Variants in RALYL observed in about 807,000 individuals in gnomAD.
RALYL encodes the protein RALY RNA binding protein like.
RALYL carries 29 observed loss-of-function variants against 35.1 expected under a neutral mutation model. That is an observed-to-expected ratio of 0.83 (90% CI 0.61 to 1.13). The LOEUF is 1.13. Among genes scored for constraint, RALYL ranks in the 50% most tolerant of loss-of-function variants. The pLI is 0.00. For missense variants in RALYL, 359 were observed against 360.4 expected (o/e 1.00, Z 0.03); for synonymous variants, 120 against 127.6 (o/e 0.94, Z 0.40).
At chr8:84,469,860 C>G (rs547116506) in intron 1 of RALYL, among the ~76,000 whole-genome samples, 3 of 152,242 alleles carry the variant, frequency 2.0e-5, no homozygotes, top group South Asian at 2.1e-4. Context: ...TTTTTAAGCC[C>G]GTCGGAAAAG....
chr8:84,602,492 C>T (rs1188449463), intron 2 of RALYL, among the ~76,000 whole-genome samples: 2 of 152,078 alleles, frequency 1.3e-5, no homozygotes. Flanking sequence ...TCTCTCATTC[C>T]AGTCAATTCC....
chr8:84,632,067 G>A (rs781198075), intron 2 of RALYL, among the ~76,000 whole-genome samples: 1 of 151,750 alleles, frequency 6.6e-6, no homozygotes, highest in East Asian at 1.9e-4. Flanking sequence ...ATTAGGTTAT[G>A]AGGCTGGAGG....
At chr8:84,224,270 C>T (rs1359568505) in intron 1 of RALYL, among the ~76,000 whole-genome samples, 32 of 152,162 alleles carry the variant, frequency 2.1e-4, no homozygotes, top group Non-Finnish European at 2.1e-4. Flanking sequence ...CCATTTTCCA[C>T]TTTTGGCTCT....
chr8:84,301,040 A>T (rs892202393), intron 1 of RALYL, among the ~76,000 whole-genome samples: 1 of 151,712 alleles, frequency 6.6e-6, no homozygotes, highest in African/African-American at 2.4e-5. Context: ...TCTATATTTA[A>T]CCCCTGTGTA....
At chr8:84,796,055 C>T (rs1210967330) in intron 3 of RALYL, among the ~76,000 whole-genome samples, 1 of 152,146 alleles carries the variant, frequency 6.6e-6, no homozygotes, top group Admixed American at 6.5e-5. Context: ...GCACGAGAGT[C>T]CACTGTGAGT....
chr8:84,551,064 GT>G (rs1364710821), intron 2 of RALYL, among the ~76,000 whole-genome samples: 5 of 151,670 alleles, frequency 3.3e-5, no homozygotes, highest in East Asian at 1.9e-4. Context: ...AATATGGCAG[GT>G]TTTTTTCTAT....
At chr8:84,865,875 T>C (rs545069372) in intron 6 of RALYL, among the ~76,000 whole-genome samples, 24 of 152,298 alleles carry the variant, frequency 1.6e-4, no homozygotes, top group African/African-American at 5.8e-4. Context: ...CCCTGAAGCA[T>C]CTAACAGGAA....
chr8:84,579,717 C>G (rs1053167948), intron 2 of RALYL, among the ~76,000 whole-genome samples: 11 of 152,186 alleles, frequency 7.2e-5, no homozygotes, highest in African/African-American at 2.4e-4. Flanking sequence ...TCTATCTTCT[C>G]ACTTTTTGGA....
chr8:84,362,202 A>G (rs1853185436), intron 1 of RALYL, among the ~76,000 whole-genome samples: 1 of 152,196 alleles, frequency 6.6e-6, no homozygotes, highest in Non-Finnish European at 1.5e-5. Context: ...CACAATCAGG[A>G]GTAGTTCATT....
chr8:84,550,428 A>C (rs1355710915), intron 2 of RALYL, among the ~76,000 whole-genome samples: 1 of 152,118 alleles, frequency 6.6e-6, no homozygotes, highest in African/African-American at 2.4e-5. Context: ...ACACATGAGC[A>C]AACTTATTTT....
chr8:84,661,706 T>G (rs1176971648), intron 2 of RALYL, among the ~76,000 whole-genome samples: 2 of 151,940 alleles, frequency 1.3e-5, no homozygotes, highest in Admixed American at 1.3e-4. Context: ...TGTGTATACA[T>G]GTGCCATGCT....
At chr8:84,288,161 T>G (rs764426741) in intron 1 of RALYL, among the ~76,000 whole-genome samples, 11 of 136,824 alleles carry the variant, frequency 8.0e-5, no homozygotes, top group African/African-American at 1.4e-4. Context: ...GGTTCTCCTG[T>G]TTTTTTTTGT....
intron 2 of RALYL, among the ~76,000 whole-genome samples, chr8:84,676,001 G>A (rs755139283): frequency 3.3e-5 from 5 of 152,100 alleles, no homozygotes; most frequent in African/African-American, 9.7e-5. Context: ...GTGTAATGTG[G>A]CAATCATTTC....
chr8:84,648,122 A>G (rs1827888903), intron 2 of RALYL, among the ~76,000 whole-genome samples: 1 of 152,060 alleles, frequency 6.6e-6, no homozygotes, highest in Non-Finnish European at 1.5e-5. Context: ...ATGCGTGCAC[A>G]CACACACACA....
intron 2 of RALYL, among the ~76,000 whole-genome samples, chr8:84,742,463 A>C (rs559809300): frequency 6.6e-6 from 1 of 152,094 alleles, no homozygotes; most frequent in African/African-American, 2.4e-5. Context: ...AATTGTTTTA[A>C]AAAAAAATTA....
At position 84,620,108 on chromosome 8, in the gene RALYL, T is replaced by C. The variant is rs1206852130; in HGVS notation, c.256+90531T>C. On this transcript the variant is annotated intron_variant, in intron 2 of 8. Transcript: ENST00000521268. ...CTTCTCGAGGAGTATCTTTGTGGCA[T>C]TCTCTGTATTTCCTGAATCTGAATG... is the stretch of plus-strand genomic sequence containing the variant. Among the ~76,000 whole-genome samples, 5 of 152,148 alleles carry C rather than the reference T, an allele frequency of 3.3e-5. No homozygotes were observed. In the East Asian group the frequency reaches 9.7e-4, roughly 29 times the overall value.
chr8:84,619,022 T>C lies in RALYL; in HGVS notation c.256+89445T>C, dbSNP rs1435110540. On this transcript the variant is annotated intron_variant, in intron 2 of 8. Coordinates refer to ENST00000521268, the MANE Select transcript of RALYL (RefSeq NM_173848.7). ...GAGAGCTTTACTTCCAAGTATGTGG[T>C]CAATTTTGGAATAGGTGTGGTGTGG... Among the ~76,000 whole-genome samples, 9 of 148,806 alleles carry C rather than the reference T, an allele frequency of 6.0e-5. No homozygotes were observed. The East Asian group carries it at 1.8e-3, about 30-fold the overall frequency.
chr8:84,783,653 C>T (rs1818716477), intron 3 of RALYL, among the ~76,000 whole-genome samples: 1 of 152,156 alleles, frequency 6.6e-6, no homozygotes, highest in African/African-American at 2.4e-5. Context: ...TCTGCCTCCC[C>T]AGGTCCTTGA....
At chr8:84,408,726 A>G (rs2043804812) in intron 1 of RALYL, among the ~76,000 whole-genome samples, 1 of 152,156 alleles carries the variant, frequency 6.6e-6, no homozygotes, top group African/African-American at 2.4e-5. Flanking sequence ...GTCATCAGTC[A>G]AGAAATCTAA....
Sources: gnomAD v4.1 joint callset for allele counts (sites outside exome capture counted in the v4.1 genomes callset) on GRCh38, gnomAD v4.1.1 for gene constraint, MANE v1.5 for transcripts, NCBI Gene and HGNC (gene_info 2026-07-23, HGNC 2026-07-21) for gene names.